The following HS1BP3 variants were observed in gnomAD, a reference collection of about 807,000 sequenced individuals.
HS1BP3 encodes the protein HCLS1 binding protein 3, also known as HCLS1-binding protein 3.
In HS1BP3, 32 loss-of-function variants were observed where a neutral mutation model predicts 33.5. The ratio of observed to expected loss-of-function variants is 0.95; its 90% confidence interval spans 0.72 to 1.28. The LOEUF is 1.28. HS1BP3 is among the 50% of genes most tolerant of loss of function. The pLI is 0.00. For missense variants in HS1BP3, 486 were observed against 502.3 expected (o/e 0.97, Z 0.31); for synonymous variants, 187 against 209.2 (o/e 0.89, Z 0.92).
At chr2:20,615,708 C>T (rs567597290), downstream of HS1BP3, among the ~76,000 whole-genome samples, 10 of 152,294 alleles carry the variant, frequency 6.6e-5, no homozygotes, top group Admixed American at 4.6e-4. Context: ...AGCCTGACAC[C>T]GGGTATTAAA....
chr2:20,601,135 C>T (rs1182197188), intron 2 of HS1BP3, among the ~76,000 whole-genome samples: 2 of 152,218 alleles, frequency 1.3e-5, no homozygotes, highest in Non-Finnish European at 2.9e-5. Context: ...TTAGCTTCAT[C>T]ATTGTGAAAG....
chr2:20,596,968 G>C (rs1361285012), intron 3 of HS1BP3, among the ~76,000 whole-genome samples: 1 of 152,202 alleles, frequency 6.6e-6, no homozygotes, highest in African/African-American at 2.4e-5. Context: ...CAACTTGAAT[G>C]TGTTTAGGAT....
intron 2 of HS1BP3, chr2:20,606,583 G>A: frequency 4.1e-6 from 2 of 488,538 alleles, no homozygotes; most frequent in Admixed American, 2.2e-5. Context: ...CCCCGGATTT[G>A]CTCACTGGGT....
intron 2 of HS1BP3, among the ~76,000 whole-genome samples, chr2:20,604,613 T>C (rs1694135503): frequency 6.6e-6 from 1 of 152,128 alleles, no homozygotes; most frequent in South Asian, 2.1e-4. Context: ...GGAGTAGACA[T>C]TGATTACCCT....
chr2:20,596,457 G>A (rs887634694), intron 3 of HS1BP3, among the ~76,000 whole-genome samples: 4 of 152,148 alleles, frequency 2.6e-5, no homozygotes, highest in Admixed American at 2.6e-4. Flanking sequence ...AGGCTCCAGG[G>A]AGCTGCCTTG....
chr2:20,644,461 G>C (rs189393184), intron 2 of HS1BP3, among the ~76,000 whole-genome samples: 4 of 152,210 alleles, frequency 2.6e-5, no homozygotes, highest in Admixed American at 2.0e-4. Flanking sequence ...GCCTGAGCTC[G>C]TCCCGAGCTC....
chr2:20,625,706 G>T (rs1023411052), intron 4 of HS1BP3, among the ~76,000 whole-genome samples: 1 of 152,190 alleles, frequency 6.6e-6, no homozygotes, highest in African/African-American at 2.4e-5. Context: ...TGGCTGAGGA[G>T]GTCCTGCTCT....
At chr2:20,560,770 T>C (rs1341882774) in intron 5 of HS1BP3, among the ~76,000 whole-genome samples, 1 of 152,078 alleles carries the variant, frequency 6.6e-6, no homozygotes, top group Non-Finnish European at 1.5e-5. Context: ...CCTTCATCCC[T>C]ATGGCCTCCG....
chr2:20,612,122 G>A (rs1572332296), intron 2 of HS1BP3, among the ~76,000 whole-genome samples: 3 of 152,210 alleles, frequency 2.0e-5, no homozygotes, highest in African/African-American at 7.2e-5. Context: ...ACCCTAATGA[G>A]GCAGGTAAAA....
intron 5 of HS1BP3, among the ~76,000 whole-genome samples, chr2:20,576,516 G>A (rs1191939115): frequency 6.6e-6 from 1 of 152,152 alleles, no homozygotes; most frequent in African/African-American, 2.4e-5. Flanking sequence ...CTAGTCTAGA[G>A]CCTGAAAATA....
intron 4 of HS1BP3, among the ~76,000 whole-genome samples, chr2:20,627,143 T>G (rs761872684): frequency 1.3e-5 from 2 of 152,236 alleles, no homozygotes; most frequent in South Asian, 2.1e-4. Flanking sequence ...GCGTGGCCCT[T>G]GCTCCTGGCC....
chr2:20,588,265 G>A (rs1693729456), downstream of HS1BP3, among the ~76,000 whole-genome samples: 1 of 152,106 alleles, frequency 6.6e-6, no homozygotes, highest in Admixed American at 6.6e-5. Flanking sequence ...AACAATAAAG[G>A]CTACTTTTGA....
downstream of HS1BP3, among the ~76,000 whole-genome samples, chr2:20,559,972 T>C (rs16987831): frequency 6.7e-3 from 1,017 of 151,746 alleles, 15 homozygotes; most frequent in Middle Eastern, 0.031. Flanking sequence ...GCACCCTGAG[T>C]CTCTAAATCC....
intron 3 of HS1BP3, among the ~76,000 whole-genome samples, chr2:20,596,360 C>T (rs745772666): frequency 1.8e-4 from 27 of 152,192 alleles, no homozygotes; most frequent in Admixed American, 3.9e-4. Flanking sequence ...ACCCCCAAGG[C>T]GCTGGTATTA....
intron 1 of HS1BP3, among the ~76,000 whole-genome samples, chr2:20,647,380 C>T (rs1695550063): frequency 6.6e-6 from 1 of 152,210 alleles, no homozygotes; most frequent in African/African-American, 2.4e-5. Context: ...CCAAGTGGCT[C>T]AACGTGACTG....
At chr2:20,649,832 T>A (rs576510825) in intron 1 of HS1BP3, among the ~76,000 whole-genome samples, 1 of 152,252 alleles carries the variant, frequency 6.6e-6, no homozygotes, top group South Asian at 2.1e-4. Context: ...CCACATCTGT[T>A]AACAAGCCAC....
intron 5 of HS1BP3, 51 bp from the exon 6 acceptor site, chr2:20,624,082 G>A (rs1260791138): frequency 3.1e-6 from 5 of 1,593,328 alleles, no homozygotes; most frequent in African/African-American, 1.4e-5. Flanking sequence ...AGGCTGGGAT[G>A]CCATGGCTGC....
chr2:20,629,746 C>T (rs1037014718), intron 4 of HS1BP3, among the ~76,000 whole-genome samples: 4 of 152,368 alleles, frequency 2.6e-5, no homozygotes, highest in Admixed American at 2.0e-4. Context: ...CGCTTTCCTG[C>T]TGTGTATTCC....
intron 2 of HS1BP3, among the ~76,000 whole-genome samples, chr2:20,605,197 A>C (rs1694149062): frequency 6.6e-6 from 1 of 152,190 alleles, no homozygotes; most frequent in Non-Finnish European, 1.5e-5. Flanking sequence ...CGAGCTTCCC[A>C]AACCTGGGAG....
Sources: gnomAD v4.1 joint callset for allele counts (sites outside exome capture counted in the v4.1 genomes callset) on GRCh38, gnomAD v4.1.1 for gene constraint, MANE v1.5 for transcripts, NCBI Gene and HGNC (gene_info 2026-07-23, HGNC 2026-07-21) for gene names.